The following SPATA7 variants were observed in gnomAD, a reference collection of about 807,000 sequenced individuals.
SPATA7 encodes the protein spermatogenesis-associated protein 7.
SPATA7 carries 43 observed loss-of-function variants against 51.8 expected under a neutral mutation model. The ratio of observed to expected loss-of-function variants is 0.83; its 90% confidence interval spans 0.65 to 1.07. The LOEUF (loss-of-function observed/expected upper bound fraction) is 1.07, where lower values mean the gene tolerates loss of function less well. Ranked by LOEUF, SPATA7 falls within the 50% of genes least tolerant of loss-of-function variation. SPATA7 has a pLI of 0.00. For missense variants in SPATA7, 683 were observed against 701.3 expected, an observed-to-expected ratio of 0.97 and a Z score of 0.30; for synonymous variants, 230 against 252.8, an observed-to-expected ratio of 0.91 and a Z score of 0.86.
chr14:88,448,174 T>C (rs2140045332), intron 3 of SPATA7, among the ~76,000 whole-genome samples: 1 of 152,264 alleles, frequency 6.6e-6, no homozygotes, highest in East Asian at 1.9e-4. Flanking sequence ...CTTGGAGGCT[T>C]TGCTCGTTTC....
chr14:88,447,727 T>A (rs2077224281), intron 3 of SPATA7, among the ~76,000 whole-genome samples: 1 of 152,126 alleles, frequency 6.6e-6, no homozygotes, highest in Non-Finnish European at 1.5e-5. Context: ...AGGATTTTAT[T>A]TCTCCTTCAC....
At chr14:88,458,725 G>C (rs1435755621), downstream of SPATA7, among the ~76,000 whole-genome samples, 2 of 152,016 alleles carry the variant, frequency 1.3e-5, no homozygotes, top group East Asian at 3.9e-4. Flanking sequence ...ATCTCCTTCA[G>C]TTGTGCTCTG....
At chr14:88,422,628 AT>A (rs2076678159) in intron 5 of SPATA7, among the ~76,000 whole-genome samples, 6 of 148,746 alleles carry the variant, frequency 4.0e-5, no homozygotes, top group Admixed American at 4.0e-4. Context: ...CATATTATAT[AT>A]TTTTAATATA....
chr14:88,456,090 G>A (rs2077282762), downstream of SPATA7, among the ~76,000 whole-genome samples: 1 of 152,110 alleles, frequency 6.6e-6, no homozygotes, highest in South Asian at 2.1e-4. Context: ...ATTCCATGGT[G>A]TATATGTGCC....
Position 88,391,355 on chromosome 14 carries a change from T to A in SPATA7, c.20-26T>A, listed in dbSNP as rs779337659. The A allele has an allele frequency of 3.8e-6, 6 of 1,580,394 alleles. No homozygotes were observed. In the East Asian group the frequency reaches 6.7e-5, roughly 18 times the overall value. The stretch of plus-strand genomic sequence containing the variant: ...AAAGTTGTGTTTCATTTATCCTAAT[T>A]TATGATTTTTTTTTCTTGTTAAAAG... On this transcript the variant is annotated intron_variant, in intron 1 of 11. Coordinates refer to ENST00000393545, the MANE Select transcript of SPATA7 (RefSeq NM_018418.5).
intron 4 of SPATA7, among the ~76,000 whole-genome samples, chr14:88,408,197 G>A (rs918234171): frequency 6.6e-6 from 1 of 151,926 alleles, no homozygotes; most frequent in African/African-American, 2.4e-5. Flanking sequence ...AAATTACTTT[G>A]GACAGTGTGG....
At chr14:88,396,813 C>A (rs2075892968) in intron 4 of SPATA7, among the ~76,000 whole-genome samples, 1 of 151,660 alleles carries the variant, frequency 6.6e-6, no homozygotes, top group South Asian at 2.1e-4. Flanking sequence ...ATTGCTAAAT[C>A]ATATATTCTA....
chr14:88,412,619 G>C (rs1451771404), intron 4 of SPATA7, among the ~76,000 whole-genome samples: 1 of 152,244 alleles, frequency 6.6e-6, no homozygotes, highest in East Asian at 1.9e-4. Flanking sequence ...CACCCTCACA[G>C]ATATACCCAG....
Position 88,427,692 on chromosome 14 carries a change from A to G in SPATA7, c.908A>G (p.Lys303Arg), listed in dbSNP as rs767675015. The G allele has an allele frequency of 1.2e-6, 2 of 1,606,256 alleles. No homozygotes were observed. The highest frequency in any genetic ancestry group is 2.2e-5 in the South Asian group (2 of 90,826). ...KNMTDSEMNI[K>R]QASNCVTYDA... is the part of the protein sequence containing the mutation. ...ATGACAGATTCAGAAATGAACATAA[A>G]GCAGGTAATAAGTATGAAATCTTTT... Residue 303 changes from lysine (K) to arginine (R), a missense_variant, in exon 7 of 12, where the codon AAG becomes AGG. Physicochemically the swap from Lys to Arg is conservative, Grantham distance 26. Transcript: ENST00000393545.
intron 3 of SPATA7, among the ~76,000 whole-genome samples, chr14:88,446,986 G>T (rs188284671): frequency 2.0e-5 from 3 of 152,330 alleles, no homozygotes; most frequent in Admixed American, 2.0e-4. Context: ...GAGTTCTGTA[G>T]ATGTCTATTA....
At chr14:88,431,861 C>T (rs2076949751) in intron 9 of SPATA7, among the ~76,000 whole-genome samples, 2 of 152,132 alleles carry the variant, frequency 1.3e-5, no homozygotes, top group Non-Finnish European at 2.9e-5. Context: ...TCTGTGAACA[C>T]TAATCTCTCT....
chr14:88,464,153 TATAA>T (rs536024244), intron 4 of SPATA7, among the ~76,000 whole-genome samples: 3 of 152,212 alleles, frequency 2.0e-5, no homozygotes, highest in Admixed American at 6.5e-5. Context: ...CTCATTTTTC[TATAA>T]ATAATTTTAG....
At chr14:88,460,815 C>T (rs1055122738) in intron 4 of SPATA7, among the ~76,000 whole-genome samples, 4 of 151,732 alleles carry the variant, frequency 2.6e-5, no homozygotes, top group African/African-American at 9.8e-5. Flanking sequence ...CTTTTCTGCT[C>T]TCTTTTTTCC....
At chr14:88,431,968 C>T (rs1483255879) in intron 9 of SPATA7, among the ~76,000 whole-genome samples, 2 of 152,108 alleles carry the variant, frequency 1.3e-5, no homozygotes, top group African/African-American at 4.8e-5. Flanking sequence ...ATAATAACAA[C>T]TTTCTGGAAT....
At position 88,416,635 on chromosome 14, in the gene SPATA7, T is replaced by C. The variant is rs575092657; in HGVS notation, c.239-76T>C. On this transcript the variant is annotated intron_variant, in intron 4 of 11. Coordinates refer to ENST00000393545, the MANE Select transcript of SPATA7 (RefSeq NM_018418.5). ...ACATTTTAACAAGAAAAATGTTCCATTTATTACTCTAACAAGACCAAAAAA... is the reference window on the plus strand; with the variant it reads ...ACATTTTAACAAGAAAAATGTTCCACTTATTACTCTAACAAGACCAAAAAA... 3 of 1,370,082 alleles carry C rather than the reference T, an allele frequency of 2.2e-6. No individual in the cohort carries two copies. The South Asian group carries it at 3.7e-5, about 17-fold the overall frequency. 84.9% of individuals were successfully genotyped at this position (1,370,082 alleles called of 1,614,324 possible). A position where few individuals can be genotyped will look rare whatever the true frequency, so the allele number is the denominator to read the frequency against.
At chr14:88,458,674 G>C (rs1031327027), downstream of SPATA7, among the ~76,000 whole-genome samples, 23 of 151,744 alleles carry the variant, frequency 1.5e-4, no homozygotes, top group Non-Finnish European at 2.9e-4. Flanking sequence ...TTCAAAAAAC[G>C]AGCCCCTGGA....
chr14:88,399,283 T>A (rs571367503), intron 4 of SPATA7, among the ~76,000 whole-genome samples: 2 of 152,148 alleles, frequency 1.3e-5, no homozygotes, highest in South Asian at 4.1e-4. Context: ...ACAGTGTCTG[T>A]CTCAGGCCTT....
chr14:88,468,277 GA>G, intron 4 of SPATA7: 1 of 1,587,792 alleles, frequency 6.3e-7, no homozygotes, highest in Non-Finnish European at 8.6e-7. Flanking sequence ...TAGGTTGAGA[GA>G]AACGGTAATG....
At chr14:88,437,281 C>G (rs1165989569) in intron 10 of SPATA7, among the ~76,000 whole-genome samples, 3 of 151,366 alleles carry the variant, frequency 2.0e-5, no homozygotes, top group Non-Finnish European at 4.4e-5. Context: ...AGAAAAACAG[C>G]TTTTTGGTGG....
Sources: gnomAD v4.1 joint callset for allele counts (sites outside exome capture counted in the v4.1 genomes callset) on GRCh38, gnomAD v4.1.1 for gene constraint, MANE v1.5 for transcripts, NCBI Gene and HGNC (gene_info 2026-07-23, HGNC 2026-07-21) for gene names.